The following PPFIBP2 variants were observed in gnomAD, a reference collection of about 807,000 sequenced individuals.
PPFIBP2 encodes the protein liprin-beta-2.
Under a neutral mutation model 118.3 loss-of-function variants are expected in PPFIBP2, and 118 were observed. That is an observed-to-expected ratio of 1.00 (90% confidence interval 0.86 to 1.16). PPFIBP2 has a LOEUF of 1.16. Ranked by LOEUF, PPFIBP2 falls within the 50% of genes most tolerant of loss-of-function variation. PPFIBP2 has a pLI of 0.00. For synonymous variants in PPFIBP2, 414 were observed against 397.4 expected (o/e 1.04, Z -0.50); for missense variants, 1,195 against 1,073.1 (o/e 1.11, Z -1.59).
downstream of PPFIBP2, among the ~76,000 whole-genome samples, chr11:7,653,995 G>C (rs1234168358): frequency 6.6e-6 from 1 of 152,186 alleles, no homozygotes; most frequent in Non-Finnish European, 1.5e-5. Context: ...AGCCGAGGGG[G>C]CTTCAAGTCT....
chr11:7,527,311 G>A (rs1420870710), intron 1 of PPFIBP2, among the ~76,000 whole-genome samples: 1 of 152,014 alleles, frequency 6.6e-6, no homozygotes, highest in Admixed American at 6.5e-5. Flanking sequence ...TGATATCTTG[G>A]TCTGGGTGGC....
chr11:7,623,190 G>A (rs1293352886), intron 7 of PPFIBP2, among the ~76,000 whole-genome samples: 2 of 150,394 alleles, frequency 1.3e-5, no homozygotes, highest in Non-Finnish European at 2.9e-5. Flanking sequence ...GTTTTTGGAA[G>A]TTTTTCACTT....
At chr11:7,612,603 G>T (rs1848195683) in intron 6 of PPFIBP2, among the ~76,000 whole-genome samples, 1 of 152,140 alleles carries the variant, frequency 6.6e-6, no homozygotes, top group Admixed American at 6.5e-5. Context: ...TTTTAAATCT[G>T]AATTTTTTGT....
At chr11:7,647,135 C>T (rs1853212483) in intron 17 of PPFIBP2, among the ~76,000 whole-genome samples, 1 of 152,150 alleles carries the variant, frequency 6.6e-6, no homozygotes, top group South Asian at 2.1e-4. Context: ...GGAATTCCCT[C>T]ACTTTAACAA....
At chr11:7,538,161 C>T (rs1851399276) in intron 1 of PPFIBP2, 1 of 152,306 alleles carries the variant, frequency 6.6e-6, no homozygotes, top group African/African-American at 2.4e-5. Context: ...CCATCAGAAC[C>T]TCAGACTCAC....
rs568373136 is a variant in PPFIBP2 at position 7,569,643 on chromosome 11, A to C, written c.279+3876A>C. On this transcript the variant is annotated intron_variant, in intron 3 of 23. Transcript: ENST00000299492. ...TAAGATGGGCTGGGACCTGGCCTGC[A>C]GAGGAAGCATCAGGGAGGCTGTCCT... Among the ~76,000 whole-genome samples, 13 of 152,316 alleles carry C rather than the reference A, an allele frequency of 8.5e-5. No homozygotes were observed. In the East Asian group the frequency reaches 2.5e-3, roughly 29 times the overall value.
rs115237611 is a variant in PPFIBP2 at position 7,597,190 on chromosome 11, C to T, written c.373-370C>T. On this transcript the variant is annotated intron_variant, in intron 4 of 23. Transcript: ENST00000299492. Reference sequence around the variant, plus strand: ...TGGACCGCTCTTCCACACGAGGTTGCAGAAGTGCTGGCAAGCCAGCTGAGA... The same window carrying T: ...TGGACCGCTCTTCCACACGAGGTTGTAGAAGTGCTGGCAAGCCAGCTGAGA... 1,478 of 1,478,470 alleles carry T rather than the reference C, an allele frequency of 1.0e-3. 17 individuals carry two copies. In the African/African-American group the frequency reaches 0.019, roughly 19 times the overall value. 91.6% of individuals were successfully genotyped at this position (1,478,470 alleles called of 1,614,324 possible). A position where few individuals can be genotyped will look rare whatever the true frequency, so the allele number is the denominator to read the frequency against.
intron 7 of PPFIBP2, among the ~76,000 whole-genome samples, chr11:7,625,401 T>C (rs1180749191): frequency 6.6e-6 from 1 of 152,222 alleles, no homozygotes; most frequent in African/African-American, 2.4e-5. Context: ...GTGAGTATCT[T>C]GGGAGAAGAA....
Position 7,597,587 on chromosome 11 carries a change from G to A in PPFIBP2, c.400G>A (p.Ala134Thr), listed in dbSNP as rs1590462860. The change falls in exon 5 of 24, where the codon GCC becomes ACC. Residue 134 changes from alanine to threonine, a missense_variant. Ala to Thr is a moderately conservative substitution (Grantham distance 58). Coordinates refer to ENST00000299492, the MANE Select transcript of PPFIBP2 (RefSeq NM_003621.5). The stretch of plus-strand genomic sequence containing the variant: ...GAGTGTCCTCACAGACCAAGTAGAA[G>A]CCCAGGGAGAAAAGATTCGAGACCT... Reference protein sequence around the residue: ...QVSVLTDQVEAQGEKIRDLEV... With the variant: ...QVSVLTDQVETQGEKIRDLEV... The A allele has an allele frequency of 1.2e-6, 2 of 1,614,000 alleles. No individual in the cohort carries two copies. Among genetic ancestry groups the A allele is most frequent in the East Asian group, 2.2e-5 (1 of 44,850 alleles).
At chr11:7,548,296 G>A (rs900983923) in intron 1 of PPFIBP2, 2 of 152,184 alleles carry the variant, frequency 1.3e-5, no homozygotes, top group Non-Finnish European at 2.9e-5. Flanking sequence ...AGCCATTCCT[G>A]GGTGGTGCCC....
intron 6 of PPFIBP2, among the ~76,000 whole-genome samples, chr11:7,612,436 C>A (rs1254991183): frequency 6.6e-6 from 1 of 152,122 alleles, no homozygotes; most frequent in Non-Finnish European, 1.5e-5. Flanking sequence ...TGAAAGTCAG[C>A]CCGTGTGTGG....
intron 3 of PPFIBP2, among the ~76,000 whole-genome samples, chr11:7,578,772 G>A (rs546297488): frequency 6.6e-6 from 1 of 152,304 alleles, no homozygotes; most frequent in South Asian, 2.1e-4. Context: ...AACTGAAAGA[G>A]CAGTAAGAAT....
At position 7,642,206 on chromosome 11, in the gene PPFIBP2, C is replaced by T. The variant is rs184704336; in HGVS notation, c.1518-92C>T. 897 of 1,490,188 alleles carry T rather than the reference C, an allele frequency of 6.0e-4. 6 individuals carry two copies. Among genetic ancestry groups the T allele is most frequent in the Non-Finnish European group, 7.8e-5 (85 of 1,089,268 alleles). 92.3% of individuals were successfully genotyped at this position (1,490,188 alleles called of 1,614,324 possible). A position where few individuals can be genotyped will look rare whatever the true frequency, so the allele number is the denominator to read the frequency against. ...AGCAGTGCTGCCGAGAGTCCCTGTG[C>T]TGGCCTGCATGGCCTTGCAAAAGAG... On this transcript the variant is annotated intron_variant, in intron 16 of 23. Transcript: ENST00000299492.
chr11:7,607,612 CAT>C (rs1340042535), intron 5 of PPFIBP2, among the ~76,000 whole-genome samples: 1 of 152,010 alleles, frequency 6.6e-6, no homozygotes, highest in Non-Finnish European at 1.5e-5. Context: ...TATTTAAAAA[CAT>C]ATTTGTTGAA....
chr11:7,574,925 T>C (rs1353305239), intron 3 of PPFIBP2, among the ~76,000 whole-genome samples: 4 of 152,190 alleles, frequency 2.6e-5, no homozygotes, highest in Non-Finnish European at 5.9e-5. Context: ...GAGAATGCCA[T>C]AAAAATGTCA....
intron 17 of PPFIBP2, among the ~76,000 whole-genome samples, chr11:7,645,964 G>C (rs1852992440): frequency 6.6e-6 from 1 of 152,118 alleles, no homozygotes; most frequent in Non-Finnish European, 1.5e-5. Context: ...GTGATAAAAT[G>C]AGCATTGAAA....
At chr11:7,564,780 A>G (rs1262430378) in intron 2 of PPFIBP2, among the ~76,000 whole-genome samples, 1 of 152,204 alleles carries the variant, frequency 6.6e-6, no homozygotes, top group Non-Finnish European at 1.5e-5. Context: ...CTAGCCAGGT[A>G]ACTGGGCTTT....
chr11:7,612,630 T>C (rs539196895), intron 6 of PPFIBP2, among the ~76,000 whole-genome samples: 13 of 152,218 alleles, frequency 8.5e-5, no homozygotes, highest in Non-Finnish European at 1.5e-4. Flanking sequence ...TTTTCATCAG[T>C]CTGTTCATAC....
chr11:7,577,301 G>A (rs1489170819), intron 3 of PPFIBP2: 5 of 235,068 alleles, frequency 2.1e-5, no homozygotes, highest in African/African-American at 7.0e-5. Context: ...GTCCTGGTGC[G>A]TGTGCGTGCA....
Sources: allele counts gnomAD v4.1 joint callset (sites outside exome capture counted in the v4.1 genomes callset), GRCh38; gene constraint gnomAD v4.1.1; transcripts MANE v1.5; gene names NCBI Gene and HGNC (gene_info 2026-07-23, HGNC 2026-07-21).